Variants in SI observed in about 807,000 individuals in gnomAD.
SI encodes sucrase-isomaltase.
Under a neutral mutation model 253.3 loss-of-function variants are expected in SI, and 235 were observed. The observed-to-expected ratio is 0.93, with a 90% confidence interval of 0.83 to 1.03. SI has a LOEUF of 1.03. SI is among the 50% of genes least tolerant of loss of function. The pLI, the probability that SI is intolerant of heterozygous loss-of-function variation, is 0.00. For missense variants in SI, 2,442 were observed against 2,211.1 expected (o/e 1.10, Z -2.09); for synonymous variants, 819 against 712.0 (o/e 1.15, Z -2.39).
At position 165,039,105 on chromosome 3, in the gene SI, AG is replaced by A; in HGVS notation, c.2273del (p.Pro758LeufsTer30). 1 of 1,594,606 alleles carries A rather than the reference AG, an allele frequency of 6.3e-7. No individual in the cohort carries two copies. Among genetic ancestry groups the A allele is most frequent in the Non-Finnish European group, 8.6e-7 (1 of 1,163,854 alleles). Reference protein sequence around the residue: ...QGADTVSAYIPDAIWYDYESG... With the variant: ...QGADTVSAYIXDAIWYDYESG... ...ATTCATAATCATACCAAATAGCATC[AG>A]GGATGTAGGCACTCACAGTATCTGC... On this transcript the variant is annotated frameshift_variant, in exon 20 of 48. Transcript: ENST00000264382. LOFTEE classifies it high-confidence loss of function.
intron 28 of SI, among the ~76,000 whole-genome samples, chr3:165,019,153 G>A (rs1719183429): frequency 6.6e-6 from 1 of 151,964 alleles, no homozygotes; most frequent in South Asian, 2.1e-4. Flanking sequence ...TTGTAAAGAT[G>A]TAATTAGCAC....
chr3:165,061,694 T>C (rs1713992620), intron 9 of SI, among the ~76,000 whole-genome samples: 1 of 152,012 alleles, frequency 6.6e-6, no homozygotes, highest in Non-Finnish European at 1.5e-5. Context: ...AGGAATCATA[T>C]ATATCAACAG....
In SI at chr3:165,013,016, T is replaced by C. The variant is rs74648160; in HGVS notation, c.4026A>G (p.Thr1342=). ...AKVWPDLPNI[T]IDKTLTEDEA... ...CATCTTCCGTTAGAGTTTTATCTATTGTTATGTTGGGCAAATCTGGCCAAA... is the reference window on the plus strand; with the variant it reads ...CATCTTCCGTTAGAGTTTTATCTATCGTTATGTTGGGCAAATCTGGCCAAA... Residue 1342 remains threonine (T), a synonymous_variant, in exon 34 of 48, where the codon ACA becomes ACG. Coordinates refer to ENST00000264382, the MANE Select transcript of SI (RefSeq NM_001041.4). 0.12 allele frequency: 192,095 copies of C among 1,607,412 alleles called. 12,436 individuals are homozygous for C. Among genetic ancestry groups the C allele is most frequent in the South Asian group, 0.19 (16,991 of 90,886 alleles).
chr3:165,048,330 A>T, intron 15 of SI, among the ~76,000 whole-genome samples: 1 of 151,848 alleles, frequency 6.6e-6, no homozygotes, highest in African/African-American at 2.4e-5. Context: ...TATTTTATAA[A>T]AATGTATTAG....
intron 30 of SI, 40 bp downstream of exon 30, chr3:165,017,721 A>G (rs201297197): frequency 3.0e-4 from 473 of 1,597,250 alleles, no homozygotes; most frequent in Middle Eastern, 1.2e-3. Flanking sequence ...TTTATGCTAT[A>G]AAAATTTTTA....
Position 165,017,845 on chromosome 3 carries a change from T to G in SI, c.3549A>C (p.Leu1183=). 1 of 1,613,064 alleles carries G rather than the reference T, an allele frequency of 6.2e-7. No individual in the cohort carries two copies. Among genetic ancestry groups the G allele is most frequent in the African/African-American group, 1.3e-5 (1 of 74,974 alleles). ...AGATCCCTCCAACTGTACGGTAAGT[T>G]AGAGCAGGAGTTGGCTGGAATGTAA... ...MDVTFQPTPA[L]TYRTVGGILD... Residue 1183 remains leucine (L), a synonymous_variant, in exon 30 of 48, where the codon CTA becomes CTC. Coordinates refer to ENST00000264382, the MANE Select transcript of SI (RefSeq NM_001041.4).
chr3:165,075,795 T>A (rs1187677578), intron 2 of SI, 100 bp downstream of exon 2: 1 of 714,936 alleles, frequency 1.4e-6, no homozygotes, highest in African/African-American at 1.8e-5. Flanking sequence ...CTATAAGTGT[T>A]TCATCTTACA....
chr3:164,987,099 C>G (rs6775977), intron 45 of SI, 39 bp downstream of exon 45: 1 of 1,390,952 alleles, frequency 7.2e-7, no homozygotes, highest in Non-Finnish European at 1.0e-6. Context: ...TGATAGAATA[C>G]GACATCAATT....
At chr3:165,055,334 T>C in intron 12 of SI, 27 bp from the exon 13 acceptor site, 2 of 1,162,694 alleles carry the variant, frequency 1.7e-6, no homozygotes, top group African/African-American at 1.5e-5. Flanking sequence ...TTCACATATA[T>C]ACATAAAAAA....
intron 23 of SI, 148 bp from the exon 24 acceptor site, chr3:165,032,840 C>CCTG: frequency 1.8e-6 from 1 of 562,236 alleles, no homozygotes; most frequent in Non-Finnish European, 3.1e-6. Flanking sequence ...TAGAAATATA[C>CCTG]TCATTAATAT....
At chr3:165,004,106 A>T (rs1312963799) in intron 37 of SI, among the ~76,000 whole-genome samples, 1 of 152,130 alleles carries the variant, frequency 6.6e-6, no homozygotes, top group Non-Finnish European at 1.5e-5. Flanking sequence ...TATAGGAAAA[A>T]CTTCTAATAA....
intron 16 of SI, 59 bp downstream of exon 16, chr3:165,046,782 A>G: frequency 1.5e-6 from 2 of 1,320,780 alleles, no homozygotes; most frequent in Non-Finnish European, 1.1e-6. Flanking sequence ...AATTAAGATT[A>G]CATTAAAAAT....
At position 165,039,020 on chromosome 3, in the gene SI, G is replaced by A; in HGVS notation, c.2301+58C>T. On this transcript the variant is annotated intron_variant, in intron 20 of 47. Coordinates refer to ENST00000264382, the MANE Select transcript of SI (RefSeq NM_001041.4). Reference sequence around the variant, plus strand: ...AGTTTCTATGGAATTAAGTTTCTATGTAGAAGTGTTTGAAAATATAATACT... The same window carrying A: ...AGTTTCTATGGAATTAAGTTTCTATATAGAAGTGTTTGAAAATATAATACT... 4.6e-6 allele frequency: 5 copies of A among 1,086,764 alleles called. No homozygotes were observed. The South Asian group carries it at 6.5e-5, about 14-fold the overall frequency. The allele number at this position is 1,086,764 out of a possible 1,614,324, so 67.3% of individuals were successfully genotyped here. A position where few individuals can be genotyped will look rare whatever the true frequency, so the allele number is the denominator to read the frequency against.
intron 25 of SI, 148 bp from the exon 26 acceptor site, chr3:165,023,924 A>G (rs906777528): frequency 6.0e-6 from 4 of 663,086 alleles, no homozygotes; most frequent in Non-Finnish European, 1.1e-5. Context: ...CACAAAATAT[A>G]TTTTATGCAA....
chr3:165,041,736 G>A (rs1011617298), intron 17 of SI, among the ~76,000 whole-genome samples: 3 of 152,038 alleles, frequency 2.0e-5, no homozygotes, highest in African/African-American at 7.2e-5. Flanking sequence ...CACTGATATG[G>A]ACAAGCCTGT....
chr3:165,041,723 T>C (rs1201500829), intron 17 of SI, among the ~76,000 whole-genome samples: 1 of 152,112 alleles, frequency 6.6e-6, no homozygotes, highest in Non-Finnish European at 1.5e-5. Context: ...TTCAGCCAAG[T>C]AACACTGATA....
chr3:165,069,325 T>A (rs1377967181), intron 3 of SI, 130 bp from the exon 4 acceptor site: 3 of 675,974 alleles, frequency 4.4e-6, no homozygotes, highest in Non-Finnish European at 7.9e-6. Context: ...CAAAATAGCA[T>A]TTGCTCTTTT....
At chr3:165,041,848 T>G (rs1006019562) in intron 17 of SI, among the ~76,000 whole-genome samples, 1 of 152,136 alleles carries the variant, frequency 6.6e-6, no homozygotes, top group Non-Finnish European at 1.5e-5. Flanking sequence ...TTCCCAGTGC[T>G]GCTCCCAGCC....
At chr3:164,994,555 A>G in intron 40 of SI, 150 bp from the exon 41 acceptor site, 1 of 736,236 alleles carries the variant, frequency 1.4e-6, no homozygotes, top group South Asian at 1.7e-5. Context: ...TTACACAATA[A>G]TATTTCTATC....
Sources: allele counts gnomAD v4.1 joint callset (sites outside exome capture counted in the v4.1 genomes callset), GRCh38; gene constraint gnomAD v4.1.1; transcripts MANE v1.5; gene names NCBI Gene and HGNC (gene_info 2026-07-23, HGNC 2026-07-21).